The following TANC1 variants were observed in gnomAD, a reference collection of about 807,000 sequenced individuals.
TANC1 encodes tetratricopeptide repeat, ankyrin repeat and coiled-coil containing 1.
A neutral mutation model predicts 149.7 loss-of-function variants in TANC1; 77 were observed. That is an observed-to-expected ratio of 0.51 (90% CI 0.43 to 0.62). TANC1 has a LOEUF of 0.62. TANC1 is among the 20% of genes least tolerant of loss of function. TANC1 has a pLI of 0.00. For missense variants in TANC1, 1,985 were observed against 2,321.8 expected, an observed-to-expected ratio of 0.85 and a Z score of 2.98; for synonymous variants, 854 against 925.0, an observed-to-expected ratio of 0.92 and a Z score of 1.39.
At chr2:159,170,879 A>G in intron 10 of TANC1, 74 bp downstream of exon 10, 5 of 1,507,382 alleles carry the variant, frequency 3.3e-6, no homozygotes, top group Non-Finnish European at 4.5e-6. Context: ...TCACATAGAC[A>G]TAAAATACCA....
chr2:158,971,085 C>T (rs968164099), intron 1 of TANC1, among the ~76,000 whole-genome samples: 4 of 152,152 alleles, frequency 2.6e-5, no homozygotes, highest in African/African-American at 9.7e-5. Context: ...TTATTTGGTG[C>T]CATAGTAGGT....
intron 5 of TANC1, among the ~76,000 whole-genome samples, chr2:159,137,773 C>A (rs565613089): frequency 6.6e-6 from 1 of 152,158 alleles, no homozygotes; most frequent in South Asian, 2.1e-4. Flanking sequence ...TCCCTTCTTC[C>A]CCACCCACCA....
chr2:159,149,473 G>GT, intron 6 of TANC1: 1 of 638,838 alleles, frequency 1.6e-6, no homozygotes, highest in Non-Finnish European at 2.7e-6. Flanking sequence ...GAAGCAGAAC[G>GT]TAAGAAAATG....
intron 2 of TANC1, among the ~76,000 whole-genome samples, chr2:159,064,754 G>A (rs188504568): frequency 2.6e-5 from 4 of 152,230 alleles, no homozygotes; most frequent in South Asian, 2.1e-4. Flanking sequence ...CCTTCTCAAC[G>A]GGTGCCACAA....
At chr2:159,081,239 C>A (rs749714951) in intron 3 of TANC1, among the ~76,000 whole-genome samples, 3 of 152,192 alleles carry the variant, frequency 2.0e-5, no homozygotes, top group Non-Finnish European at 2.9e-5. Context: ...AACCAAGTGT[C>A]CACATTCAAA....
intron 2 of TANC1, among the ~76,000 whole-genome samples, chr2:159,060,826 T>A (rs1039522462): frequency 3.3e-5 from 5 of 152,234 alleles, no homozygotes; most frequent in Admixed American, 6.5e-5. Flanking sequence ...GTTCTGATAT[T>A]GCCATTGTGA....
chr2:159,108,923 C>T (rs995483980), intron 4 of TANC1, among the ~76,000 whole-genome samples: 2 of 152,120 alleles, frequency 1.3e-5, no homozygotes, highest in Non-Finnish European at 2.9e-5. Flanking sequence ...TGGGGCCTAT[C>T]GAGATAGTTA....
At chr2:159,177,288 G>A (rs905835769) in intron 13 of TANC1, among the ~76,000 whole-genome samples, 12 of 152,060 alleles carry the variant, frequency 7.9e-5, no homozygotes, top group Admixed American at 6.5e-5. Flanking sequence ...CATTTGCAGC[G>A]AGGGGTAGGG....
chr2:159,000,881 C>G (rs993237097), intron 1 of TANC1, among the ~76,000 whole-genome samples, 199 bp from the exon 2 acceptor site: 2 of 152,108 alleles, frequency 1.3e-5, no homozygotes, highest in Non-Finnish European at 2.9e-5. Flanking sequence ...CATCACTGAC[C>G]CTGCGCTGGA....
chr2:159,011,723 T>A (rs569569826), intron 2 of TANC1, among the ~76,000 whole-genome samples: 1 of 152,036 alleles, frequency 6.6e-6, no homozygotes, highest in African/African-American at 2.4e-5. Context: ...TTTAAGATGA[T>A]AGAACTAATA....
At chr2:159,004,734 CAAAA>C (rs927412220) in intron 2 of TANC1, among the ~76,000 whole-genome samples, 2 of 151,430 alleles carry the variant, frequency 1.3e-5, no homozygotes. Context: ...AACAAACAAA[CAAAA>C]AAAACCAATA....
intron 4 of TANC1, among the ~76,000 whole-genome samples, chr2:159,099,144 A>G (rs776450449): frequency 6.6e-6 from 1 of 152,174 alleles, no homozygotes; most frequent in Non-Finnish European, 1.5e-5. Context: ...AAAATCTTTT[A>G]TTGTTGCAGA....
chr2:159,204,403 G>A (rs957154363), intron 19 of TANC1, among the ~76,000 whole-genome samples: 3 of 152,214 alleles, frequency 2.0e-5, no homozygotes, highest in African/African-American at 7.2e-5. Flanking sequence ...TGGGGCACCT[G>A]TGCTGAAGGC....
chr2:159,186,753 G>A, intron 15 of TANC1, 149 bp from the exon 16 acceptor site: 1 of 907,326 alleles, frequency 1.1e-6, no homozygotes, highest in East Asian at 2.6e-5. Flanking sequence ...CGCATGTCCA[G>A]GCATTCTTTG....
Position 159,053,890 on chromosome 2 carries a change from G to T in TANC1, c.-15-12006G>T, listed in dbSNP as rs149182761. Among the ~76,000 whole-genome samples, 30 of 152,280 alleles carry T rather than the reference G, an allele frequency of 2.0e-4. No individual in the cohort carries two copies. The East Asian group carries it at 2.5e-3, about 13-fold the overall frequency. On this transcript the variant is annotated intron_variant, in intron 2 of 26. Coordinates refer to ENST00000263635, the MANE Select transcript of TANC1 (RefSeq NM_033394.3). ...ATTTTGGCATGTGTTCTGTTGCATG[G>T]TGCCTCCAGGTCACACATGGACAGC...
At chr2:159,109,932 A>C (rs1003702156) in intron 4 of TANC1, among the ~76,000 whole-genome samples, 1 of 152,240 alleles carries the variant, frequency 6.6e-6, no homozygotes, top group Non-Finnish European at 1.5e-5. Flanking sequence ...TCTTGACTTA[A>C]TAAAGAAAAA....
chr2:159,042,612 A>G (rs568329520), intron 2 of TANC1, among the ~76,000 whole-genome samples: 3 of 152,018 alleles, frequency 2.0e-5, no homozygotes, highest in Non-Finnish European at 4.4e-5. Context: ...CAGTGCTGCA[A>G]CTCAGAGGCC....
intron 2 of TANC1, among the ~76,000 whole-genome samples, chr2:159,013,038 G>A (rs73969414): frequency 0.094 from 14,293 of 152,040 alleles, 704 homozygotes; most frequent in Non-Finnish European, 0.11. Context: ...AATTGGAGAA[G>A]GTCATAAACA....
At chr2:159,063,432 G>T (rs890072917) in intron 2 of TANC1, among the ~76,000 whole-genome samples, 1 of 152,148 alleles carries the variant, frequency 6.6e-6, no homozygotes, top group Non-Finnish European at 1.5e-5. Context: ...TGGGTTTAAG[G>T]CCAGAGACGA....
Sources: gnomAD v4.1 joint callset for allele counts (sites outside exome capture counted in the v4.1 genomes callset) on GRCh38, gnomAD v4.1.1 for gene constraint, MANE v1.5 for transcripts, NCBI Gene and HGNC (gene_info 2026-07-23, HGNC 2026-07-21) for gene names.